CEP72: variants seen among roughly 807,000 people sequenced by gnomAD.
The protein encoded by CEP72 is centrosomal protein 72, also known as centrosomal protein of 72 kDa.
Under a neutral mutation model 65.7 loss-of-function variants are expected in CEP72, and 78 were observed. The ratio of observed to expected loss-of-function variants is 1.19; its 90% confidence interval spans 0.99 to 1.43. The LOEUF (loss-of-function observed/expected upper bound fraction) is 1.43. Ranked by LOEUF, CEP72 falls within the 40% of genes most tolerant of loss-of-function variation. The pLI is 0.00. For missense variants in CEP72, 914 were observed against 832.9 expected, an observed-to-expected ratio of 1.10 and a Z score of -1.20; for synonymous variants, 358 against 351.7, an observed-to-expected ratio of 1.02 and a Z score of -0.20.
At chr5:643,146 A>G (rs2126801360) in intron 9 of CEP72, 1 of 973,818 alleles carries the variant, frequency 1.0e-6, no homozygotes, top group African/African-American at 1.8e-5. Flanking sequence ...TGGGGGCTGC[A>G]GTGAGCTGTG....
intron 9 of CEP72, chr5:643,029 C>T: frequency 1.0e-6 from 1 of 985,428 alleles, no homozygotes; most frequent in Non-Finnish European, 1.2e-6. Flanking sequence ...GTCCTCTGTT[C>T]CCTGCACCTG....
intron 6 of CEP72, among the ~76,000 whole-genome samples, chr5:636,478 G>A (rs762617668): frequency 5.3e-5 from 8 of 152,238 alleles, no homozygotes; most frequent in Non-Finnish European, 8.8e-5. Flanking sequence ...GTGATACCAT[G>A]TGATGGCCAC....
chr5:673,111 T>TC, the CEP72 span, among the ~76,000 whole-genome samples: 1 of 151,984 alleles, frequency 6.6e-6, no homozygotes, highest in Non-Finnish European at 1.5e-5. Flanking sequence ...AGGCAGAGGC[T>TC]CCCACAAGTG....
chr5:648,688 CTG>C (rs372347672), intron 11 of CEP72, among the ~76,000 whole-genome samples: 9,039 of 94,262 alleles, frequency 0.096, 1,377 homozygotes, highest in East Asian at 0.26. Context: ...TGAGGCGTGA[CTG>C]TGAGGCGTGA....
intron 4 of CEP72, among the ~76,000 whole-genome samples, chr5:625,681 G>A (rs1310137885): frequency 2.6e-5 from 4 of 152,180 alleles, no homozygotes; most frequent in Admixed American, 1.3e-4. Flanking sequence ...TACTTGCTGC[G>A]TGGACAGCAG....
At chr5:643,636 T>TGTGCCTGCTG (rs1268580253) in intron 9 of CEP72, 12 of 985,224 alleles carry the variant, frequency 1.2e-5, no homozygotes, top group Admixed American at 6.1e-5. Context: ...GGCCCCAGGA[T>TGTGCCTGCTG]GTGCCTGCTG....
chr5:628,816 TTGCCGTCCC>T (rs1303626266), intron 4 of CEP72, among the ~76,000 whole-genome samples: 3 of 135,960 alleles, frequency 2.2e-5, no homozygotes, highest in Admixed American at 7.4e-5. Flanking sequence ...AGAACTCAGG[TTGCCGTCCC>T]CAGGGAGTGG....
chr5:627,270 G>T (rs1354632980), intron 4 of CEP72, among the ~76,000 whole-genome samples: 1 of 152,212 alleles, frequency 6.6e-6, no homozygotes, highest in Non-Finnish European at 1.5e-5. Flanking sequence ...CTAGATAGAT[G>T]TTCATCACAT....
At chr5:651,528 C>G (rs1003282372) in intron 11 of CEP72, among the ~76,000 whole-genome samples, 4 of 151,992 alleles carry the variant, frequency 2.6e-5, no homozygotes, top group Admixed American at 6.6e-5. Flanking sequence ...TCCCCCTTCA[C>G]TGCAGTGCGT....
chr5:653,067 A>T lies in CEP72; in HGVS notation c.1858A>T (p.Met620Leu). Residue 620 changes from methionine to leucine, a missense_variant, in exon 12 of 12, where the codon ATG (methionine) becomes TTG (leucine). Physicochemically the swap from Met to Leu is conservative, Grantham distance 15. Transcript: ENST00000264935. ...RAQHRAEVEQ[M>L]HWSYQELKKT... Reference sequence around the variant, plus strand: ...GCAGCACAGAGCCGAGGTGGAGCAGATGCACTGGAGCTACCAGGAGCTCAA... The same window carrying T: ...GCAGCACAGAGCCGAGGTGGAGCAGTTGCACTGGAGCTACCAGGAGCTCAA... 1 of 1,613,924 alleles carries T rather than the reference A, an allele frequency of 6.2e-7. No homozygotes were observed. The highest frequency in any genetic ancestry group is 8.5e-7 in the Non-Finnish European group (1 of 1,180,024).
At chr5:648,028 A>G in intron 11 of CEP72, 112 bp downstream of exon 11, 1 of 653,028 alleles carries the variant, frequency 1.5e-6, no homozygotes, top group East Asian at 2.7e-5. Context: ...GCTCCTCATG[A>G]GTCTTGGCCG....
At chr5:672,002 G>A (rs1397962281), downstream of CEP72, among the ~76,000 whole-genome samples, 2 of 152,192 alleles carry the variant, frequency 1.3e-5, no homozygotes, top group East Asian at 1.9e-4. Flanking sequence ...ACAGGAGGAC[G>A]TCACACACAG....
downstream of CEP72, among the ~76,000 whole-genome samples, chr5:656,170 T>C (rs888733744): frequency 6.6e-6 from 1 of 152,218 alleles, no homozygotes; most frequent in African/African-American, 2.4e-5. Flanking sequence ...TGCTGAAGAT[T>C]CCTTTGTCAG....
chr5:625,792 T>C (rs1736716264), intron 4 of CEP72, among the ~76,000 whole-genome samples: 1 of 152,132 alleles, frequency 6.6e-6, no homozygotes, highest in Admixed American at 6.5e-5. Flanking sequence ...TGGCGTTGTT[T>C]GTCTCGGAGG....
intron 2 of CEP72, 117 bp downstream of exon 2, chr5:619,234 T>A: frequency 1.1e-6 from 1 of 877,096 alleles, no homozygotes; most frequent in Non-Finnish European, 1.8e-6. Context: ...TACGGTACAC[T>A]TTGTGTTGCG....
chr5:626,841 A>G (rs6555383), intron 4 of CEP72, among the ~76,000 whole-genome samples: 96,914 of 151,980 alleles, frequency 0.64, 31,093 homozygotes, highest in Non-Finnish European at 0.66. Flanking sequence ...AGAAGTAAGT[A>G]TTGAGCCAGC....
chr5:622,721 C>T (rs575436359), intron 3 of CEP72, among the ~76,000 whole-genome samples: 8 of 152,292 alleles, frequency 5.3e-5, no homozygotes, highest in Non-Finnish European at 8.8e-5. Flanking sequence ...GACACTCTTC[C>T]CCCTGGGATG....
intron 6 of CEP72, among the ~76,000 whole-genome samples, chr5:636,472 T>C (rs1420250539): frequency 6.6e-6 from 1 of 152,238 alleles, no homozygotes; most frequent in Non-Finnish European, 1.5e-5. Flanking sequence ...TGTCACGTGA[T>C]ACCATGTGAT....
Position 635,221 on chromosome 5 carries a change from A to G in CEP72, c.692-151A>G, listed in dbSNP as rs115454973. The stretch of plus-strand genomic sequence containing the variant: ...CCAAGCTCTCTTGCTGTTAGAAGTC[A>G]CTGTGGATTCATTTCAGTGTCACCC... On this transcript the variant is annotated intron_variant, in intron 5 of 11. Coordinates refer to ENST00000264935, the MANE Select transcript of CEP72 (RefSeq NM_018140.4). 375 of 629,508 alleles carry G rather than the reference A, an allele frequency of 6.0e-4. 2 individuals are homozygous for G. The highest frequency in any genetic ancestry group is 5.7e-3 in the African/African-American group (309 of 54,486). 39.0% of individuals were successfully genotyped at this position (629,508 alleles called of 1,614,324 possible).
Sources: allele counts gnomAD v4.1 joint callset (sites outside exome capture counted in the v4.1 genomes callset), GRCh38; gene constraint gnomAD v4.1.1; transcripts MANE v1.5; gene names NCBI Gene and HGNC (gene_info 2026-07-23, HGNC 2026-07-21).